WDR20: variants seen among roughly 807,000 people sequenced by gnomAD.
The protein encoded by WDR20 is WD repeat-containing protein 20.
A neutral mutation model predicts 38.7 loss-of-function variants in WDR20; 3 were observed. The observed-to-expected ratio is 0.08, with a 90% CI of 0.04 to 0.20. WDR20 has a LOEUF of 0.20. Among genes scored for constraint, WDR20 ranks in the 10% least tolerant of loss-of-function variants. The pLI is 1.00. For synonymous variants in WDR20, 298 were observed against 285.6 expected, an observed-to-expected ratio of 1.04 and a Z score of -0.44; for missense variants, 559 against 727.7, an observed-to-expected ratio of 0.77 and a Z score of 2.67.
downstream of WDR20, among the ~76,000 whole-genome samples, chr14:102,219,096 G>T (rs891806972): frequency 1.3e-5 from 2 of 152,244 alleles, no homozygotes; most frequent in East Asian, 3.8e-4. Flanking sequence ...CCCCCACGCT[G>T]TGCTCTCGAG....
Position 102,156,716 on chromosome 14 carries a change from G to A in WDR20, c.249+16544G>A, listed in dbSNP as rs2152748882. 1.3e-5 allele frequency among the ~76,000 whole-genome samples: 2 copies of A among 152,142 alleles called. 1 individual carries two copies. Among genetic ancestry groups the A allele is most frequent in the Middle Eastern group, 6.8e-3 (2 of 294 alleles). ...ATTTATGCATTTAAAAACTATTGGG[G>A]CCAGGTGCGGTGGCTCATGCCTGTA... On this transcript the variant is annotated intron_variant, in intron 1 of 2. Coordinates refer to ENST00000342702, the MANE Select transcript of WDR20 (RefSeq NM_144574.4).
chr14:102,224,811 TAA>T (rs1295549416), downstream of WDR20: 33 of 455,962 alleles, frequency 7.2e-5, no homozygotes, highest in Admixed American at 6.8e-4. Context: ...AGAGAAATAA[TAA>T]AAGACACTAA....
At chr14:102,214,334 C>T (rs1414067683), downstream of WDR20, 1 of 985,300 alleles carries the variant, frequency 1.0e-6, no homozygotes, top group East Asian at 1.1e-4. Context: ...ATCACAGCGA[C>T]CCCAAGTGAT....
upstream of WDR20, chr14:102,139,870 T>A: frequency 6.3e-7 from 1 of 1,591,816 alleles, no homozygotes; most frequent in Non-Finnish European, 8.6e-7. Context: ...GAACAGCGCC[T>A]GCGCGGTGGG....
chr14:102,155,120 G>GT (rs2057055758), intron 1 of WDR20, among the ~76,000 whole-genome samples: 3 of 152,146 alleles, frequency 2.0e-5, no homozygotes, highest in Non-Finnish European at 4.4e-5. Flanking sequence ...GATGATCTGT[G>GT]TGACTTTGAG....
intron 2 of WDR20, chr14:102,197,902 C>A: frequency 1.5e-6 from 1 of 676,690 alleles, no homozygotes; most frequent in Non-Finnish European, 2.7e-6. Context: ...TCATTCAGGA[C>A]CTTGACTACC....
Position 102,199,171 on chromosome 14 carries a change from G to A in WDR20, c.432+4051G>A, listed in dbSNP as rs370979119. On this transcript the variant is annotated intron_variant, in intron 2 of 2. Transcript: ENST00000342702. The stretch of plus-strand genomic sequence containing the variant: ...CAACTTCACAGCCCAGAATGCTGAG[G>A]GCTCGGACACCAGCTCTGCCACTTT... Among the ~76,000 whole-genome samples, 5 of 151,782 alleles carry A rather than the reference G, an allele frequency of 3.3e-5. 1 individual carries two copies. Among genetic ancestry groups the A allele is most frequent in the East Asian group, 1.9e-4 (1 of 5,130 alleles).
downstream of WDR20, among the ~76,000 whole-genome samples, chr14:102,212,226 T>G (rs923700051): frequency 6.6e-6 from 1 of 152,254 alleles, no homozygotes; most frequent in African/African-American, 2.4e-5. Context: ...TTGTCAGTTT[T>G]GGATTTGAGG....
intron 1 of WDR20, among the ~76,000 whole-genome samples, chr14:102,160,786 TAAAA>T (rs1238033531): frequency 7.1e-6 from 1 of 140,194 alleles, no homozygotes; most frequent in Admixed American, 7.2e-5. Flanking sequence ...ACTAAATATA[TAAAA>T]AAAAAAAATT....
intron 1 of WDR20, among the ~76,000 whole-genome samples, chr14:102,172,854 C>T (rs1346744847): frequency 1.4e-5 from 2 of 146,064 alleles, no homozygotes; most frequent in Admixed American, 6.8e-5. Context: ...ACTTCTCAGA[C>T]GGGGCGGTTG....
In WDR20 at chr14:102,209,151, T is replaced by C. The variant is rs773755770; in HGVS notation, c.981T>C (p.Phe327=). The part of the protein sequence containing the change: ...TSVEEGDPME[F]SGSDEDFQDL... ...TAGAAGAAGGTGACCCTATGGAGTTTAGTGGCAGCGATGAGGACTTCCAAG... is the reference window on the plus strand; with the variant it reads ...TAGAAGAAGGTGACCCTATGGAGTTCAGTGGCAGCGATGAGGACTTCCAAG... The change falls in exon 3 of 3, where the codon TTT becomes TTC. Residue 327 remains phenylalanine, a synonymous_variant. Transcript: ENST00000342702. This position sits in a 1 kb window ranked among gnomAD's most constrained non-coding sequence, Gnocchi z 6.0. The C allele has an allele frequency of 1.1e-5, 17 of 1,613,982 alleles. No individual in the cohort carries two copies. The highest frequency in any genetic ancestry group is 9.9e-5 in the South Asian group (9 of 91,068).
intron 1 of WDR20, among the ~76,000 whole-genome samples, chr14:102,186,537 C>G (rs993609225): frequency 5.3e-5 from 8 of 152,006 alleles, no homozygotes; most frequent in African/African-American, 1.2e-4. Flanking sequence ...TGCCTCCCCC[C>G]ACAACACCCC....
intron 2 of WDR20, among the ~76,000 whole-genome samples, chr14:102,203,121 G>A (rs141215160): frequency 1.3e-5 from 2 of 152,264 alleles, no homozygotes; most frequent in Non-Finnish European, 2.9e-5. Flanking sequence ...TGCACCTACT[G>A]CTGGGGGATT....
chr14:102,196,250 G>T (rs1246107651), intron 2 of WDR20, among the ~76,000 whole-genome samples: 2 of 151,148 alleles, frequency 1.3e-5, no homozygotes. Context: ...AGTTTCCTCT[G>T]AGTTGACTGG....
intron 2 of WDR20, among the ~76,000 whole-genome samples, chr14:102,200,467 T>TTTTGTGTGTGTGTG (rs748066838): frequency 5.9e-5 from 7 of 117,774 alleles, no homozygotes; most frequent in African/African-American, 2.2e-4. Context: ...ATTTTTTTTT[T>TTTTGTGTGTGTGTG]TGTGTGTGTG....
At chr14:102,214,449 C>T (rs1026207317), downstream of WDR20, 4 of 985,296 alleles carry the variant, frequency 4.1e-6, no homozygotes, top group East Asian at 2.3e-4. Context: ...ATCCTAGTTA[C>T]GAACTATAAG....
intron 1 of WDR20, among the ~76,000 whole-genome samples, chr14:102,146,795 T>C (rs2053812294): frequency 6.6e-6 from 1 of 152,224 alleles, no homozygotes; most frequent in Non-Finnish European, 1.5e-5. Context: ...TCTCCCCTTT[T>C]GTAATTTTTC....
At chr14:102,196,226 A>G (rs578111359) in intron 2 of WDR20, among the ~76,000 whole-genome samples, 2 of 152,282 alleles carry the variant, frequency 1.3e-5, no homozygotes, top group East Asian at 1.9e-4. Context: ...CTTATGAACC[A>G]TGCCATCTCT....
chr14:102,140,868 A>C (rs2050792741), intron 1 of WDR20, among the ~76,000 whole-genome samples: 2 of 152,154 alleles, frequency 1.3e-5, no homozygotes, highest in African/African-American at 4.8e-5. Flanking sequence ...CTACAGTTGA[A>C]ATGATGTTTC....
Sources: allele counts gnomAD v4.1 joint callset (sites outside exome capture counted in the v4.1 genomes callset), GRCh38; gene constraint gnomAD v4.1.1; non-coding constraint Gnocchi (gnomAD v3.1); transcripts MANE v1.5; gene names NCBI Gene and HGNC (gene_info 2026-07-23, HGNC 2026-07-21).